Variants in PRKCB observed in about 807,000 individuals in gnomAD.
PRKCB encodes the protein protein kinase C beta.
PRKCB carries 13 observed loss-of-function variants against 81.5 expected under a neutral mutation model. The observed-to-expected ratio is 0.16, with a 90% CI of 0.10 to 0.25. The LOEUF (loss-of-function observed/expected upper bound fraction) is 0.25, where lower values mean the gene tolerates loss of function less well. Among genes scored for constraint, PRKCB ranks in the 10% least tolerant of loss-of-function variants. The pLI is 1.00. For synonymous variants in PRKCB, 335 were observed against 321.4 expected (o/e 1.04, Z -0.45); for missense variants, 509 against 875.7 (o/e 0.58, Z 5.29).
At chr16:24,017,599 GC>G (rs1390322447) in intron 3 of PRKCB, among the ~76,000 whole-genome samples, 1 of 152,182 alleles carries the variant, frequency 6.6e-6, no homozygotes, top group African/African-American at 2.4e-5. Context: ...AACATTTACT[GC>G]ATATATCATA....
intron 2 of PRKCB, among the ~76,000 whole-genome samples, chr16:23,897,166 T>G (rs989051813): frequency 6.6e-6 from 1 of 152,216 alleles, no homozygotes; most frequent in Non-Finnish European, 1.5e-5. Context: ...AAGCTGGTAC[T>G]TCTCATGGAG....
intron 2 of PRKCB, among the ~76,000 whole-genome samples, chr16:23,879,773 C>T (rs958020225): frequency 4.6e-5 from 7 of 152,134 alleles, no homozygotes; most frequent in Admixed American, 6.5e-5. Flanking sequence ...GGATTATAGG[C>T]GTGAGCCACT....
chr16:24,128,897 A>G lies in PRKCB; in HGVS notation c.1065+4916A>G, dbSNP rs553357413. ...CTTTGAGTTTTGCCAACGTCTTTCA[A>G]GAATTGAACTTTGAATGATTGCTGG... On this transcript the variant is annotated intron_variant, in intron 9 of 16. Transcript: ENST00000643927. 4.6e-5 allele frequency among the ~76,000 whole-genome samples: 7 copies of G among 152,284 alleles called. No individual in the cohort carries two copies. The East Asian group carries it at 1.3e-3, about 29-fold the overall frequency.
chr16:23,990,835 A>T (rs1227627146), intron 3 of PRKCB, among the ~76,000 whole-genome samples: 1 of 152,190 alleles, frequency 6.6e-6, no homozygotes, highest in Non-Finnish European at 1.5e-5. Flanking sequence ...GGCATGAGTC[A>T]CTGTACCTGA....
intron 2 of PRKCB, among the ~76,000 whole-genome samples, chr16:23,863,215 CATACATATATATGTGTAT>C (rs1962710247): frequency 1.7e-5 from 1 of 58,070 alleles, no homozygotes; most frequent in African/African-American, 4.5e-5. Context: ...TGTATATATA[CATACATATATATGTGTAT>C]ATATATACAT....
chr16:24,154,532 G>T, intron 9 of PRKCB, 152 bp from the exon 10 acceptor site: 1 of 692,692 alleles, frequency 1.4e-6, no homozygotes, highest in Non-Finnish European at 2.4e-6. Context: ...AAATATAAAA[G>T]TGTGAAGTCA....
chr16:24,187,753 A>T (rs997973791), intron 15 of PRKCB, among the ~76,000 whole-genome samples: 14 of 152,208 alleles, frequency 9.2e-5, no homozygotes, highest in Middle Eastern at 6.8e-3. Flanking sequence ...ATCATGGCTC[A>T]CTGCAGCCTT....
chr16:23,984,922 CA>C (rs1292333932), intron 2 of PRKCB, among the ~76,000 whole-genome samples: 3 of 152,074 alleles, frequency 2.0e-5, no homozygotes, highest in Middle Eastern at 6.8e-3. Flanking sequence ...GGAACTACGA[CA>C]GGGGGAAAAG....
At position 24,219,753 on chromosome 16, in the gene PRKCB, A is replaced by G; in HGVS notation, c.*4937A>G. The G allele has an allele frequency of 7.2e-7, 1 of 1,389,398 alleles. No homozygotes were observed. Among genetic ancestry groups the G allele is most frequent in the Non-Finnish European group, 9.3e-7 (1 of 1,074,514 alleles). 86.1% of individuals were successfully genotyped at this position (1,389,398 alleles called of 1,614,324 possible). ...CATTCAATGACTTACTTCTTTTCTT[A>G]GAAAATTTCCACCACATTTCTATCC... On this transcript the variant is annotated 3_prime_UTR_variant, in exon 17 of 17. Coordinates refer to ENST00000643927, the MANE Select transcript of PRKCB (RefSeq NM_002738.7).
Position 24,215,567 on chromosome 16 carries a change from A to G in PRKCB, c.*751A>G, listed in dbSNP as rs989493593. ...CACAGTCACTCTAGCAAGGCCCCCA[A>G]AGGGCCCTGGTTTTACATTACATTT... is the stretch of plus-strand genomic sequence containing the variant. On this transcript the variant is annotated 3_prime_UTR_variant, in exon 17 of 17. Transcript: ENST00000643927. 1.0e-5 allele frequency: 10 copies of G among 985,110 alleles called. No individual in the cohort carries two copies. The highest frequency in any genetic ancestry group is 1.2e-5 in the Non-Finnish European group (10 of 829,494). 61.0% of individuals were successfully genotyped at this position (985,110 alleles called of 1,614,324 possible).
intron 5 of PRKCB, among the ~76,000 whole-genome samples, chr16:24,051,202 G>C (rs966160100): frequency 5.3e-5 from 8 of 152,218 alleles, no homozygotes; most frequent in Admixed American, 3.9e-4. Flanking sequence ...GGGTCTGCCA[G>C]GAGGCAGAGG....
intron 5 of PRKCB, among the ~76,000 whole-genome samples, chr16:24,088,558 C>T (rs1229460993): frequency 6.6e-6 from 1 of 151,922 alleles, no homozygotes; most frequent in Non-Finnish European, 1.5e-5. Flanking sequence ...GAGACTCCAT[C>T]TCTACAAAAA....
At chr16:23,867,388 C>T (rs1468667156) in intron 2 of PRKCB, among the ~76,000 whole-genome samples, 3 of 152,362 alleles carry the variant, frequency 2.0e-5, no homozygotes, top group Non-Finnish European at 2.9e-5. Context: ...TCCCAAAGTG[C>T]TGGGATTACA....
chr16:24,168,541 C>CTCCTTTTTTTT (rs1967383324), intron 10 of PRKCB, among the ~76,000 whole-genome samples: 1 of 76,330 alleles, frequency 1.3e-5, no homozygotes, highest in Non-Finnish European at 3.0e-5. Context: ...TCTTCTTCTA[C>CTCCTTTTTTTT]TTTTTTTTTT....
rs527970519 is a variant in PRKCB, at chr16:24,008,708, G to A, written c.288+20118G>A. Among the ~76,000 whole-genome samples the A allele has an allele frequency of 5.9e-5, 9 of 152,032 alleles. No individual in the cohort carries two copies. The South Asian group carries it at 1.7e-3, about 28-fold the overall frequency. ...TTTTATTTTATTTTGGAAAGAACACGTAACATGAAATCTATCCTCTTAACA... is the reference window on the plus strand; with the variant it reads ...TTTTATTTTATTTTGGAAAGAACACATAACATGAAATCTATCCTCTTAACA... On this transcript the variant is annotated intron_variant, in intron 3 of 16. Coordinates refer to ENST00000643927, the MANE Select transcript of PRKCB (RefSeq NM_002738.7).
chr16:23,887,186 C>A (rs1030663749), intron 2 of PRKCB, among the ~76,000 whole-genome samples: 1 of 152,056 alleles, frequency 6.6e-6, no homozygotes, highest in Non-Finnish European at 1.5e-5. Context: ...ATAAAATGCC[C>A]CATTCTTTGA....
Position 24,216,606 on chromosome 16 carries a change from T to C in PRKCB, c.*1790T>C. Reference sequence around the variant, plus strand: ...CTCATCTTTAGGGAAAAATGGGGTTTGGATTTCTGCTTAGGCAAAGTCTCC... The same window carrying C: ...CTCATCTTTAGGGAAAAATGGGGTTCGGATTTCTGCTTAGGCAAAGTCTCC... On this transcript the variant is annotated 3_prime_UTR_variant, in exon 17 of 17. Coordinates refer to ENST00000643927, the MANE Select transcript of PRKCB (RefSeq NM_002738.7). 1.0e-6 allele frequency: 1 copy of C among 985,502 alleles called. No homozygotes were observed. Among genetic ancestry groups the C allele is most frequent in the Non-Finnish European group, 1.2e-6 (1 of 829,962 alleles). The allele number at this position is 985,502 out of a possible 1,614,324, so 61.0% of individuals were successfully genotyped here.
At chr16:24,041,317 G>C (rs1299156126) in intron 5 of PRKCB, among the ~76,000 whole-genome samples, 1 of 152,156 alleles carries the variant, frequency 6.6e-6, no homozygotes, top group Non-Finnish European at 1.5e-5. Flanking sequence ...CTCCCAAAGG[G>C]CTGGGATTAC....
Position 24,165,784 on chromosome 16 carries a change from GT to G in PRKCB, c.1240-6478del, listed in dbSNP as rs551489675. ...AAATTTTTAAAATAATTGTGTTTAAGTTTTTTTTAAGTGAGTTAATAAAAAT... is the reference window on the plus strand; with the variant it reads ...AAATTTTTAAAATAATTGTGTTTAAGTTTTTTTAAGTGAGTTAATAAAAAT... On this transcript the variant is annotated intron_variant, in intron 10 of 16. Transcript: ENST00000643927. 6.0e-3 allele frequency among the ~76,000 whole-genome samples: 887 copies of G among 148,438 alleles called. 5 individuals are homozygous for G. Among genetic ancestry groups the G allele is most frequent in the African/African-American group, 0.02 (814 of 40,586 alleles).
Sources: allele counts gnomAD v4.1 joint callset (sites outside exome capture counted in the v4.1 genomes callset), GRCh38; gene constraint gnomAD v4.1.1; transcripts MANE v1.5; gene names NCBI Gene and HGNC (gene_info 2026-07-23, HGNC 2026-07-21).